CPM: variants seen among roughly 807,000 people sequenced by gnomAD.
CPM encodes the protein carboxypeptidase M.
CPM carries 35 observed loss-of-function variants against 46.4 expected under a neutral mutation model. The observed-to-expected ratio is 0.75, with a 90% CI of 0.58 to 1.00. CPM has a LOEUF of 1.00. Ranked by LOEUF, CPM falls within the 50% of genes least tolerant of loss-of-function variation. The probability of loss-of-function intolerance (pLI) is 0.00; values close to 1 mark genes in which losing one functional copy is unlikely to be tolerated. For missense variants in CPM, 422 were observed against 530.4 expected (o/e 0.80, Z 2.01); for synonymous variants, 195 against 195.3 (o/e 1.00, Z 0.01).
At chr12:68,919,186 A>G (rs1032102111) in intron 2 of CPM, among the ~76,000 whole-genome samples, 1 of 152,210 alleles carries the variant, frequency 6.6e-6, no homozygotes, top group Non-Finnish European at 1.5e-5. Flanking sequence ...GCCTCCTGTC[A>G]TTCTTTCCAT....
intron 2 of CPM, chr12:68,913,830 T>C (rs1487807009): frequency 1.2e-5 from 8 of 642,036 alleles, no homozygotes; most frequent in Non-Finnish European, 2.1e-5. Flanking sequence ...TTCCAGAGTA[T>C]GATGGTAACA....
chr12:68,913,925 A>G (rs1289008177), intron 2 of CPM: 5 of 718,954 alleles, frequency 7.0e-6, no homozygotes, highest in Non-Finnish European at 1.1e-5. Context: ...ATTTACAGTC[A>G]CATGACCTGT....
intron 2 of CPM, among the ~76,000 whole-genome samples, chr12:68,915,587 C>A (rs975625283): frequency 6.6e-6 from 1 of 152,172 alleles, no homozygotes; most frequent in Non-Finnish European, 1.5e-5. Context: ...ACAAAGCATC[C>A]CTACACTGCA....
In CPM at chr12:68,877,564, C is replaced by G. The variant is rs188514060; in HGVS notation, c.259-5608G>C. On this transcript the variant is annotated intron_variant, in intron 3 of 8. Coordinates refer to ENST00000551568, the MANE Select transcript of CPM (RefSeq NM_198320.5). Reference sequence around the variant, plus strand: ...GACAGGGACTTGGGATATCTGGTCACCAAACAGTTCATTAATTTAAAACAT... The same window carrying G: ...GACAGGGACTTGGGATATCTGGTCAGCAAACAGTTCATTAATTTAAAACAT... Among the ~76,000 whole-genome samples, 326 of 152,218 alleles carry G rather than the reference C, an allele frequency of 2.1e-3. 1 individual carries two copies. The highest frequency in any genetic ancestry group is 7.2e-3 in the African/African-American group (300 of 41,522).
Position 68,854,809 on chromosome 12 carries a change from T to C in CPM, c.*1628A>G, listed in dbSNP as rs1402335515. 6.6e-6 allele frequency: 1 copy of C among 152,200 alleles called. No homozygotes were observed. Among genetic ancestry groups the C allele is most frequent in the African/African-American group, 2.4e-5 (1 of 41,426 alleles). The allele number at this position is 152,200 out of a possible 1,614,324, so 9.4% of individuals were successfully genotyped here. On this transcript the variant is annotated 3_prime_UTR_variant, in exon 9 of 9. Coordinates refer to ENST00000551568, the MANE Select transcript of CPM (RefSeq NM_198320.5). ...GAGATATGAGGCCTCAACTCTGCAG[T>C]GTTGACAACCATAGAGAGCAGAGAG...
At chr12:68,940,572 T>A (rs1198216603) in intron 1 of CPM, among the ~76,000 whole-genome samples, 1 of 150,346 alleles carries the variant, frequency 6.7e-6, no homozygotes, top group African/African-American at 2.5e-5. Context: ...AACCCCTACC[T>A]ACGAAAGGTT....
In CPM at chr12:68,915,645, C is replaced by A. The variant is rs145621698; in HGVS notation, c.160+17033G>T. 1.5e-3 allele frequency among the ~76,000 whole-genome samples: 235 copies of A among 152,340 alleles called. 2 individuals are homozygous for A. Among genetic ancestry groups the A allele is most frequent in the African/African-American group, 5.3e-3 (222 of 41,578 alleles). On this transcript the variant is annotated intron_variant, in intron 2 of 8. Coordinates refer to ENST00000551568, the MANE Select transcript of CPM (RefSeq NM_198320.5). Reference sequence around the variant, plus strand: ...CCCCATTACAATGCTTTTCCCATTACGGCAGTTGGGTGTAAGGCCCACTGC... The same window carrying A: ...CCCCATTACAATGCTTTTCCCATTAAGGCAGTTGGGTGTAAGGCCCACTGC...
intron 2 of CPM, among the ~76,000 whole-genome samples, chr12:68,905,815 GA>G (rs1372132904): frequency 6.6e-6 from 1 of 152,138 alleles, no homozygotes; most frequent in African/African-American, 2.4e-5. Flanking sequence ...GGCTGCTCCA[GA>G]AAGTGAGTCC....
At chr12:68,923,978 G>C (rs1888145869) in intron 2 of CPM, among the ~76,000 whole-genome samples, 1 of 152,070 alleles carries the variant, frequency 6.6e-6, no homozygotes, top group African/African-American at 2.4e-5. Context: ...TTTAGGCTCA[G>C]ATAATTGTAA....
chr12:68,956,856 T>G (rs1388839461), intron 1 of CPM, among the ~76,000 whole-genome samples: 1 of 152,178 alleles, frequency 6.6e-6, no homozygotes, highest in African/African-American at 2.4e-5. Flanking sequence ...TTGCGATAAA[T>G]ATGGCTTAGC....
At position 68,938,951 on chromosome 12, in the gene CPM, C is replaced by A. The variant is rs148253470; in HGVS notation, c.-3-6111G>T. On this transcript the variant is annotated intron_variant, in intron 1 of 8. Transcript: ENST00000546373. Reference sequence around the variant, plus strand: ...TATATGTATAAATATGTGTATATATCTAAATATACATAGTACATATATGTA... The same window carrying A: ...TATATGTATAAATATGTGTATATATATAAATATACATAGTACATATATGTA... Among the ~76,000 whole-genome samples the A allele has an allele frequency of 2.2e-3, 322 of 146,652 alleles. 10 individuals carry two copies. In the East Asian group the frequency reaches 0.055, roughly 25 times the overall value.
Position 68,856,591 on chromosome 12 carries a change from A to T in CPM, c.1178T>A (p.Leu393Gln). 6.2e-7 allele frequency: 1 copy of T among 1,614,240 alleles called. No individual in the cohort carries two copies. The highest frequency in any genetic ancestry group is 8.5e-7 in the Non-Finnish European group (1 of 1,180,016). The change falls in exon 9 of 9, where the codon CTA (leucine) becomes CAA (glutamine). Residue 393 changes from leucine to glutamine, a missense_variant. Physicochemically the swap from Leu to Gln is moderately radical, Grantham distance 113. Transcript: ENST00000551568. ...ATCCAATTGCCCTTGGAATGGAAGT[A>T]GAATATCCTTTTTAAGAGCACTGAA... ...QNFSALKKDI[L>Q]LPFQGQLDSI...
At position 68,855,231 on chromosome 12, in the gene CPM, A is replaced by C. The variant is rs1363967201; in HGVS notation, c.*1206T>G. 6.6e-6 allele frequency: 1 copy of C among 152,430 alleles called. No homozygotes were observed. The highest frequency in any genetic ancestry group is 1.5e-5 in the Non-Finnish European group (1 of 68,268). 9.4% of individuals were successfully genotyped at this position (152,430 alleles called of 1,614,324 possible). ...AGAGAAAGTATCAAGGATGACTCCC[A>C]GGTTCCTAGCTTGGTGGTCCCAGTA... On this transcript the variant is annotated 3_prime_UTR_variant, in exon 9 of 9. Coordinates refer to ENST00000551568, the MANE Select transcript of CPM (RefSeq NM_198320.5).
rs1417086561 is a variant in CPM at position 68,844,281 on chromosome 12, A to ATG, written c.534-1954_534-1953dup. The ATG allele has an allele frequency of 2.3e-5, 5 of 219,820 alleles. No individual in the cohort carries two copies. The East Asian group carries it at 3.4e-4, about 15-fold the overall frequency. 13.6% of individuals were successfully genotyped at this position (219,820 alleles called of 1,614,324 possible). A position where few individuals can be genotyped will look rare whatever the true frequency, so the allele number is the denominator to read the frequency against. On this transcript the variant is annotated intron_variant, in intron 5 of 5. Transcript: ENST00000551897. Reference sequence around the variant, plus strand: ...TGGGTAACAAAAGGCACAAGTCTGAATGTGTTTCTTTTTCTGGAATGGCCA... The same window carrying ATG: ...TGGGTAACAAAAGGCACAAGTCTGAATGTGTGTTTCTTTTTCTGGAATGGCCA...
intron 2 of CPM, among the ~76,000 whole-genome samples, chr12:68,895,656 G>A (rs1278174906): frequency 1.3e-5 from 2 of 152,122 alleles, no homozygotes; most frequent in Non-Finnish European, 2.9e-5. Context: ...AAATTTTGTG[G>A]AGGTGGCCCA....
chr12:68,895,588 T>C (rs1420332771), intron 2 of CPM, among the ~76,000 whole-genome samples: 2 of 152,234 alleles, frequency 1.3e-5, no homozygotes, highest in African/African-American at 2.4e-5. Context: ...CTAGTGAGTG[T>C]TCATTATACT....
At chr12:68,961,537 C>T (rs2136341369) in intron 1 of CPM, among the ~76,000 whole-genome samples, 1 of 152,294 alleles carries the variant, frequency 6.6e-6, no homozygotes, top group East Asian at 1.9e-4. Flanking sequence ...AGCAATCTTC[C>T]CACCTCAACC....
intron 2 of CPM, among the ~76,000 whole-genome samples, chr12:68,909,784 A>G (rs1226722299): frequency 2.8e-5 from 4 of 145,036 alleles, no homozygotes; most frequent in South Asian, 2.3e-4. Flanking sequence ...GAGTTGAACA[A>G]CGAGAACACA....
At chr12:68,915,612 G>A (rs1483678778) in intron 2 of CPM, among the ~76,000 whole-genome samples, 3 of 152,330 alleles carry the variant, frequency 2.0e-5, no homozygotes, top group African/African-American at 7.2e-5. Context: ...TGACTGTAAC[G>A]AACAAAGCCC....
Sources: gnomAD v4.1 joint callset for allele counts (sites outside exome capture counted in the v4.1 genomes callset) on GRCh38, gnomAD v4.1.1 for gene constraint, MANE v1.5 for transcripts, NCBI Gene and HGNC (gene_info 2026-07-23, HGNC 2026-07-21) for gene names.